Variants in RBFOX1 observed in about 807,000 individuals in gnomAD.
RBFOX1 encodes RNA binding protein fox-1 homolog 1.
In RBFOX1, 8 loss-of-function variants were observed where a neutral mutation model predicts 57.7. That is an observed-to-expected ratio of 0.14 (90% CI 0.08 to 0.25). The LOEUF (loss-of-function observed/expected upper bound fraction) is 0.25, where lower values mean the gene tolerates loss of function less well. RBFOX1 is among the 10% of genes least tolerant of loss of function. RBFOX1 has a pLI of 1.00. For synonymous variants in RBFOX1, 326 were observed against 222.4 expected, an observed-to-expected ratio of 1.47 and a Z score of -4.15; for missense variants, 611 against 548.5, an observed-to-expected ratio of 1.11 and a Z score of -1.14.
At chr16:7,168,607 T>C (rs2080053156) in intron 4 of RBFOX1, among the ~76,000 whole-genome samples, 1 of 152,196 alleles carries the variant, frequency 6.6e-6, no homozygotes, top group South Asian at 2.1e-4. Flanking sequence ...TTGGTTTACA[T>C]CTCAGTGGAA....
chr16:6,963,233 A>T (rs1358097357), intron 3 of RBFOX1, among the ~76,000 whole-genome samples: 1 of 152,086 alleles, frequency 6.6e-6, no homozygotes, highest in Non-Finnish European at 1.5e-5. Flanking sequence ...TAGCATCAAA[A>T]GCAGCATTTG....
At chr16:7,332,073 A>C (rs1006842312) in intron 4 of RBFOX1, among the ~76,000 whole-genome samples, 4 of 152,230 alleles carry the variant, frequency 2.6e-5, no homozygotes, top group Non-Finnish European at 5.9e-5. Context: ...CGTTAAAAAC[A>C]CAAAATAAAA....
chr16:7,613,891 G>C (rs908898495), intron 10 of RBFOX1, among the ~76,000 whole-genome samples: 2 of 152,120 alleles, frequency 1.3e-5, no homozygotes, highest in East Asian at 1.9e-4. Context: ...CCTGACACAA[G>C]TTTGCTCTAT....
rs2097424162 is a variant in RBFOX1, at chr16:6,227,125, AG to A, written c.-126-89869del. On this transcript the variant is annotated intron_variant, in intron 1 of 15. Coordinates refer to ENST00000550418, the MANE Select transcript of RBFOX1 (RefSeq NM_018723.4). ...GGTGACAGGGCGAGACTCTGTCTCA[AG>A]AAAAAAAAAAGTAATATTATTATTA... 2.6e-5 allele frequency among the ~76,000 whole-genome samples: 4 copies of A among 151,952 alleles called. No individual in the cohort carries two copies. In the South Asian group the frequency reaches 8.3e-4, roughly 32 times the overall value.
chr16:6,628,299 C>T (rs1455384023), intron 2 of RBFOX1, among the ~76,000 whole-genome samples: 1 of 152,176 alleles, frequency 6.6e-6, no homozygotes, highest in East Asian at 1.9e-4. Flanking sequence ...GTTAACGGTT[C>T]ATTAATTGAA....
intron 3 of RBFOX1, among the ~76,000 whole-genome samples, chr16:6,899,089 TA>T (rs554286991): frequency 0.011 from 1,162 of 107,700 alleles, 20 homozygotes; most frequent in African/African-American, 0.054. Context: ...TACACGTGTA[TA>T]ATGTGTGTAC....
At chr16:6,707,878 T>C (rs2154148118) in intron 3 of RBFOX1, among the ~76,000 whole-genome samples, 1 of 152,288 alleles carries the variant, frequency 6.6e-6, no homozygotes, top group Non-Finnish European at 1.5e-5. Flanking sequence ...TTGTAACTCT[T>C]GGATGTGCTC....
At chr16:7,043,393 C>T (rs992878488) in intron 3 of RBFOX1, among the ~76,000 whole-genome samples, 4 of 152,170 alleles carry the variant, frequency 2.6e-5, no homozygotes, top group African/African-American at 9.7e-5. Flanking sequence ...TAGCACAGCG[C>T]TAGGCAGTTA....
At chr16:6,377,233 A>C (rs2091291983) in intron 2 of RBFOX1, among the ~76,000 whole-genome samples, 1 of 150,938 alleles carries the variant, frequency 6.6e-6, no homozygotes. Context: ...AAGGTCATGC[A>C]ACTGCACTCC....
At chr16:5,556,271 A>G (rs1712971758) in intron 2 of RBFOX1, among the ~76,000 whole-genome samples, 1 of 152,172 alleles carries the variant, frequency 6.6e-6, no homozygotes, top group Non-Finnish European at 1.5e-5. Flanking sequence ...TGCCATCTGT[A>G]GAAAGCGCTA....
chr16:7,633,531 A>G (rs763356827), intron 11 of RBFOX1, among the ~76,000 whole-genome samples: 129 of 151,056 alleles, frequency 8.5e-4, no homozygotes, highest in Non-Finnish European at 1.5e-3. Flanking sequence ...AATATTAAAC[A>G]AAATAAACAC....
chr16:5,322,471 G>C, intron 1 of RBFOX1, among the ~76,000 whole-genome samples: 1 of 152,266 alleles, frequency 6.6e-6, no homozygotes, highest in East Asian at 1.9e-4. Context: ...GTTAGCCTCT[G>C]TGGCTGCCAG....
At chr16:7,444,558 G>A (rs952244115) in intron 4 of RBFOX1, among the ~76,000 whole-genome samples, 1 of 151,898 alleles carries the variant, frequency 6.6e-6, no homozygotes, top group Non-Finnish European at 1.5e-5. Flanking sequence ...TTTGAGACAG[G>A]GTTTTGCTGT....
chr16:5,808,949 A>G (rs912000783), intron 3 of RBFOX1, among the ~76,000 whole-genome samples: 3 of 152,172 alleles, frequency 2.0e-5, no homozygotes, highest in Non-Finnish European at 4.4e-5. Context: ...ACAACTTCCA[A>G]CACTATGTTG....
intron 4 of RBFOX1, among the ~76,000 whole-genome samples, chr16:7,313,369 G>C (rs935728623): frequency 2.0e-5 from 3 of 152,086 alleles, no homozygotes; most frequent in South Asian, 2.1e-4. Context: ...TGCAGTGGCA[G>C]AACCTTCCAC....
chr16:5,322,783 G>C (rs4786672), intron 1 of RBFOX1, among the ~76,000 whole-genome samples: 152,337 of 152,344 alleles, frequency 1, 76,165 homozygotes, highest in Middle Eastern at 1. Flanking sequence ...GAAGGTTTCA[G>C]TGTACCTACC....
intron 4 of RBFOX1, among the ~76,000 whole-genome samples, chr16:5,949,215 G>T (rs996872621): frequency 6.6e-6 from 1 of 152,130 alleles, no homozygotes; most frequent in Non-Finnish European, 1.5e-5. Context: ...TATACAGCCT[G>T]TGTCCAAATC....
At chr16:5,916,971 G>A (rs1347360229) in intron 4 of RBFOX1, among the ~76,000 whole-genome samples, 1 of 152,106 alleles carries the variant, frequency 6.6e-6, no homozygotes. Flanking sequence ...TTTGATGCGG[G>A]TGTTATGACC....
intron 3 of RBFOX1, among the ~76,000 whole-genome samples, chr16:5,812,765 C>T (rs1056309940): frequency 2.0e-5 from 3 of 152,116 alleles, no homozygotes; most frequent in Admixed American, 2.0e-4. Flanking sequence ...TTGCTCGGCC[C>T]AGTCTTCTAA....
Sources: gnomAD v4.1 joint callset for allele counts (sites outside exome capture counted in the v4.1 genomes callset) on GRCh38, gnomAD v4.1.1 for gene constraint, MANE v1.5 for transcripts, NCBI Gene and HGNC (gene_info 2026-07-23, HGNC 2026-07-21) for gene names.